The following SLC7A5 variants were observed in gnomAD, a reference collection of about 807,000 sequenced individuals.
The protein encoded by SLC7A5 is solute carrier family 7 member 5.
In SLC7A5, 23 loss-of-function variants were observed where a neutral mutation model predicts 50.2. That is an observed-to-expected ratio of 0.46 (90% confidence interval 0.33 to 0.65). The LOEUF is 0.65. Among genes scored for constraint, SLC7A5 ranks in the 30% least tolerant of loss-of-function variants. The pLI, the probability that SLC7A5 is intolerant of heterozygous loss-of-function variation, is 0.02. For synonymous variants in SLC7A5, 393 were observed against 330.6 expected (o/e 1.19, Z -2.05); for missense variants, 578 against 684.4 (o/e 0.84, Z 1.73).
At chr16:87,855,070 G>C (rs948706235) in intron 1 of SLC7A5, among the ~76,000 whole-genome samples, 3 of 152,238 alleles carry the variant, frequency 2.0e-5, no homozygotes, top group African/African-American at 7.2e-5. Flanking sequence ...CCCAAGCTGT[G>C]GTCCTGGTCC....
At position 87,853,732 on chromosome 16, in the gene SLC7A5, G is replaced by C. The variant is rs1418814043; in HGVS notation, c.539-1883C>G. 6.6e-6 allele frequency among the ~76,000 whole-genome samples: 1 copy of C among 152,056 alleles called. No homozygotes were observed. The highest frequency in any genetic ancestry group is 2.0e-4 in the East Asian group (1 of 5,128). On this transcript the variant is annotated intron_variant, in intron 1 of 9. Coordinates refer to ENST00000261622, the MANE Select transcript of SLC7A5 (RefSeq NM_003486.7). This position sits in a 1 kb window ranked among gnomAD's most constrained non-coding sequence, Gnocchi z 4.4. The stretch of plus-strand genomic sequence containing the variant: ...TGGAGAGCTTTCTGGATTCGCAAGA[G>C]GCCGGCTGATTGCATCACTCGCTCA...
rs975004402 is a variant in SLC7A5, at chr16:87,830,209, G to A, written c.*2761C>T. 3 of 152,256 alleles carry A rather than the reference G, an allele frequency of 2.0e-5. No homozygotes were observed. Among genetic ancestry groups the A allele is most frequent in the African/African-American group, 7.2e-5 (3 of 41,454 alleles). The allele number at this position is 152,256 out of a possible 1,614,324, so 9.4% of individuals were successfully genotyped here. The stretch of plus-strand genomic sequence containing the variant: ...GACGTCACAGTGGATGGCCCTGCGT[G>A]GCTGGGACACAGACAGGGAGCAGGC... On this transcript the variant is annotated 3_prime_UTR_variant, in exon 10 of 10. Coordinates refer to ENST00000261622, the MANE Select transcript of SLC7A5 (RefSeq NM_003486.7).
rs1040801480 is a variant in SLC7A5, at chr16:87,832,690, A to G, written c.*280T>C. On this transcript the variant is annotated 3_prime_UTR_variant, in exon 10 of 10. Coordinates refer to ENST00000261622, the MANE Select transcript of SLC7A5 (RefSeq NM_003486.7). The surrounding 1 kb of genome is among the most constrained non-coding windows in gnomAD (Gnocchi z 4.6). ...ATTTAAGTTTAAAAAAAATATATAT[A>G]TAAGTAAACAAAGGAGGGAAGGGAA... 6.5e-5 allele frequency: 16 copies of G among 246,468 alleles called. No individual in the cohort carries two copies. Among genetic ancestry groups the G allele is most frequent in the African/African-American group, 3.4e-4 (15 of 44,680 alleles). The allele number at this position is 246,468 out of a possible 1,614,324, so 15.3% of individuals were successfully genotyped here.
intron 9 of SLC7A5, among the ~76,000 whole-genome samples, chr16:87,834,069 G>A (rs964546306): frequency 2.0e-5 from 3 of 152,140 alleles, no homozygotes; most frequent in African/African-American, 7.2e-5. Context: ...GGCCAGGCTG[G>A]TCTTGAACTC....
rs1386364849 is a variant in SLC7A5, at chr16:87,861,376, C to T, written c.538+7509G>A. ...CACCCAGTCTTGCTGACTGACACCT[C>T]CCCAGACCCCTGGCACCCACCAGAC... On this transcript the variant is annotated intron_variant, in intron 1 of 9. Coordinates refer to ENST00000261622, the MANE Select transcript of SLC7A5 (RefSeq NM_003486.7). This position sits in a 1 kb window ranked among gnomAD's most constrained non-coding sequence, Gnocchi z 4.2. 6.6e-6 allele frequency among the ~76,000 whole-genome samples: 1 copy of T among 152,174 alleles called. No individual in the cohort carries two copies. The highest frequency in any genetic ancestry group is 1.5e-5 in the Non-Finnish European group (1 of 68,000).
chr16:87,844,241 A>C (rs1321899684), intron 2 of SLC7A5, among the ~76,000 whole-genome samples: 1 of 152,158 alleles, frequency 6.6e-6, no homozygotes, highest in Non-Finnish European at 1.5e-5. Flanking sequence ...ATGAAAGCAA[A>C]CGCACAGCCA....
intron 2 of SLC7A5, among the ~76,000 whole-genome samples, chr16:87,850,604 C>A (rs2055209860): frequency 6.6e-6 from 1 of 152,212 alleles, no homozygotes; most frequent in South Asian, 2.1e-4. Context: ...AGGAGGCCAG[C>A]TCCTAACTGC....
chr16:87,854,814 C>T (rs2055294515), intron 1 of SLC7A5, among the ~76,000 whole-genome samples: 1 of 152,262 alleles, frequency 6.6e-6, no homozygotes, highest in Non-Finnish European at 1.5e-5. Flanking sequence ...CTGCCTCCCA[C>T]CTGGCTGGCT....
chr16:87,854,173 G>A (rs967562863), intron 1 of SLC7A5, among the ~76,000 whole-genome samples: 1 of 151,592 alleles, frequency 6.6e-6, no homozygotes, highest in African/African-American at 2.4e-5. Flanking sequence ...CCACCGGGAG[G>A]GTTCACCAGA....
intron 1 of SLC7A5, among the ~76,000 whole-genome samples, chr16:87,867,881 C>G (rs1296862326): frequency 6.6e-6 from 1 of 152,022 alleles, no homozygotes; most frequent in Non-Finnish European, 1.5e-5. Flanking sequence ...TTTGGGAGGC[C>G]GAGGCGGGCG....
chr16:87,843,941 G>A (rs998686711), intron 2 of SLC7A5, among the ~76,000 whole-genome samples: 3 of 152,120 alleles, frequency 2.0e-5, no homozygotes, highest in African/African-American at 4.8e-5. Context: ...TCCTGGCTTC[G>A]ACATGAAGCC....
chr16:87,856,435 G>GCACACA (rs2055321125), intron 1 of SLC7A5, among the ~76,000 whole-genome samples: 1 of 152,244 alleles, frequency 6.6e-6, no homozygotes, highest in Non-Finnish European at 1.5e-5. Flanking sequence ...GGTGCACCGG[G>GCACACA]CACAGCAGTT....
intron 1 of SLC7A5, among the ~76,000 whole-genome samples, chr16:87,858,911 C>T (rs2055353925): frequency 6.6e-6 from 1 of 152,246 alleles, no homozygotes; most frequent in Non-Finnish European, 1.5e-5. Flanking sequence ...ATGGGCTCTG[C>T]AGATGCAGTG....
At position 87,831,066 on chromosome 16, in the gene SLC7A5, T is replaced by A. The variant is rs1270799312; in HGVS notation, c.*1904A>T. Reference sequence around the variant, plus strand: ...ACTGCCTCCTGGATTCACACAGCAATGCACCAGGCAGGTGGGGCACCAGCT... The same window carrying A: ...ACTGCCTCCTGGATTCACACAGCAAAGCACCAGGCAGGTGGGGCACCAGCT... On this transcript the variant is annotated 3_prime_UTR_variant, in exon 10 of 10. Coordinates refer to ENST00000261622, the MANE Select transcript of SLC7A5 (RefSeq NM_003486.7). 6.6e-6 allele frequency: 1 copy of A among 152,174 alleles called. No individual in the cohort carries two copies. The highest frequency in any genetic ancestry group is 1.5e-5 in the Non-Finnish European group (1 of 68,060). 9.4% of individuals were successfully genotyped at this position (152,174 alleles called of 1,614,324 possible).
chr16:87,851,917 G>A (rs1288690037), intron 1 of SLC7A5, 68 bp from the exon 2 acceptor site: 4 of 1,597,942 alleles, frequency 2.5e-6, no homozygotes, highest in Middle Eastern at 2.1e-4. Flanking sequence ...TAGGCTGGGA[G>A]GTGACGACCC....
At position 87,833,443 on chromosome 16, in the gene SLC7A5, C is replaced by T. The variant is rs573095961; in HGVS notation, c.1469-418G>A. 3.4e-4 allele frequency among the ~76,000 whole-genome samples: 52 copies of T among 152,324 alleles called. No individual in the cohort carries two copies. The highest frequency in any genetic ancestry group is 3.4e-3 in the Middle Eastern group (1 of 294). ...AGGGCCGGAGGGGCCAATCTGCTAA[C>T]GGGTCCTCGGAAGACCTGTCGCGCC... is the stretch of plus-strand genomic sequence containing the variant. On this transcript the variant is annotated intron_variant, in intron 9 of 9. Transcript: ENST00000261622. The surrounding 1 kb of genome is among the most constrained non-coding windows in gnomAD (Gnocchi z 6.0).
chr16:87,853,734 C>G lies in SLC7A5; in HGVS notation c.539-1885G>C, dbSNP rs185583982. On this transcript the variant is annotated intron_variant, in intron 1 of 9. Coordinates refer to ENST00000261622, the MANE Select transcript of SLC7A5 (RefSeq NM_003486.7). This position sits in a 1 kb window ranked among gnomAD's most constrained non-coding sequence, Gnocchi z 4.4. The stretch of plus-strand genomic sequence containing the variant: ...GAGAGCTTTCTGGATTCGCAAGAGG[C>G]CGGCTGATTGCATCACTCGCTCATT... Among the ~76,000 whole-genome samples the G allele has an allele frequency of 1.3e-5, 2 of 152,090 alleles. No homozygotes were observed.
At position 87,862,304 on chromosome 16, in the gene SLC7A5, C is replaced by T. The variant is rs1270381100; in HGVS notation, c.538+6581G>A. ...CCTGGGGCAAAACACACACAGGCCC[C>T]CTCTGCTCTCTGGTCACTGCTAACT... On this transcript the variant is annotated intron_variant, in intron 1 of 9. Transcript: ENST00000261622. This position sits in a 1 kb window ranked among gnomAD's most constrained non-coding sequence, Gnocchi z 5.3. Among the ~76,000 whole-genome samples the T allele has an allele frequency of 6.6e-6, 1 of 152,124 alleles. No individual in the cohort carries two copies. Among genetic ancestry groups the T allele is most frequent in the Non-Finnish European group, 1.5e-5 (1 of 68,002 alleles).
At position 87,860,397 on chromosome 16, in the gene SLC7A5, C is replaced by CAT. The variant is rs2055381519; in HGVS notation, c.538+8487_538+8488insAT. ...ACACACACACACACACACACACACA[C>CAT]ACATATATATATAAAGAAAAAGGAA... On this transcript the variant is annotated intron_variant, in intron 1 of 9. Transcript: ENST00000261622. This position sits in a 1 kb window ranked among gnomAD's most constrained non-coding sequence, Gnocchi z 4.8. Among the ~76,000 whole-genome samples the CAT allele has an allele frequency of 7.3e-5, 5 of 68,860 alleles. No individual in the cohort carries two copies. Among genetic ancestry groups the CAT allele is most frequent in the East Asian group, 4.4e-4 (1 of 2,256 alleles). The allele number at this position is 68,860 out of a possible 152,430, so 45.2% of individuals were successfully genotyped here.
Sources: gnomAD v4.1 joint callset for allele counts (sites outside exome capture counted in the v4.1 genomes callset) on GRCh38, gnomAD v4.1.1 for gene constraint, Gnocchi (gnomAD v3.1) non-coding constraint, MANE v1.5 for transcripts, NCBI Gene and HGNC (gene_info 2026-07-23, HGNC 2026-07-21) for gene names.